KLF12: variants seen among roughly 807,000 people sequenced by gnomAD.
The protein encoded by KLF12 is Krueppel-like factor 12.
KLF12 carries 9 observed loss-of-function variants against 37.8 expected under a neutral mutation model. That is an observed-to-expected ratio of 0.24 (90% CI 0.14 to 0.42). KLF12 has a LOEUF of 0.42. KLF12 is among the 10% of genes least tolerant of loss of function. The pLI, the probability that KLF12 is intolerant of heterozygous loss-of-function variation, is 1.00. For missense variants in KLF12, 411 were observed against 516.0 expected (o/e 0.80, Z 1.97); for synonymous variants, 208 against 202.1 (o/e 1.03, Z -0.25).
At chr13:74,275,897 C>CTT in the KLF12 span, among the ~76,000 whole-genome samples, 2 of 127,554 alleles carry the variant, frequency 1.6e-5, no homozygotes, top group African/African-American at 6.1e-5. Flanking sequence ...TTCTTTCTTT[C>CTT]TTTCTTTCTT....
rs1593963300 is a variant in KLF12 at position 73,694,010 on chromosome 13, C to T, written c.*1480G>A. 6.6e-6 allele frequency: 1 copy of T among 152,618 alleles called. No homozygotes were observed. The highest frequency in any genetic ancestry group is 1.9e-4 in the East Asian group (1 of 5,192). 9.5% of individuals were successfully genotyped at this position (152,618 alleles called of 1,614,324 possible). ...TAACACCTTCCTCTCATCCTCTGCA[C>T]AGGATGAGTGGGTTCAATATCCCTG... On this transcript the variant is annotated 3_prime_UTR_variant, in exon 8 of 8. Coordinates refer to ENST00000377669, the MANE Select transcript of KLF12 (RefSeq NM_007249.5).
At chr13:73,832,801 T>G (rs1199353129) in intron 4 of KLF12, among the ~76,000 whole-genome samples, 1 of 152,140 alleles carries the variant, frequency 6.6e-6, no homozygotes, top group African/African-American at 2.4e-5. Context: ...TAAAGGAAAT[T>G]TATGCTTTTA....
the KLF12 span, among the ~76,000 whole-genome samples, chr13:74,160,263 C>G: frequency 6.6e-6 from 1 of 152,110 alleles, no homozygotes; most frequent in Non-Finnish European, 1.5e-5. Context: ...GTTCTGTGTA[C>G]TGAAATTCTG....
chr13:74,079,403 A>G (rs896612944), intron 1 of KLF12, among the ~76,000 whole-genome samples: 1 of 152,222 alleles, frequency 6.6e-6, no homozygotes, highest in Admixed American at 6.5e-5. Flanking sequence ...ATTTTATGAC[A>G]ATTAAAAATA....
At chr13:73,738,108 T>TATATATGTGTAC (rs1877626519) in intron 6 of KLF12, among the ~76,000 whole-genome samples, 1 of 58,696 alleles carries the variant, frequency 1.7e-5, no homozygotes, top group African/African-American at 1.2e-4. Context: ...TATATATATA[T>TATATATGTGTAC]ATATATATAT....
chr13:73,721,902 T>C (rs1876292466), intron 6 of KLF12, among the ~76,000 whole-genome samples: 1 of 152,118 alleles, frequency 6.6e-6, no homozygotes, highest in Admixed American at 6.6e-5. Context: ...AAGGGAAATG[T>C]TTTTTAAAGG....
chr13:74,086,538 G>A (rs1011229818), intron 1 of KLF12, among the ~76,000 whole-genome samples: 1 of 152,040 alleles, frequency 6.6e-6, no homozygotes. Context: ...TTGGGTTGGA[G>A]GAATCACTAA....
At chr13:74,178,665 T>C in the KLF12 span, among the ~76,000 whole-genome samples, 5 of 152,234 alleles carry the variant, frequency 3.3e-5, no homozygotes, top group Non-Finnish European at 7.3e-5. Flanking sequence ...AACATGTTTC[T>C]TTTCATTTAT....
chr13:73,753,902 CT>C (rs919881943), intron 6 of KLF12, among the ~76,000 whole-genome samples: 24 of 152,102 alleles, frequency 1.6e-4, no homozygotes, highest in African/African-American at 5.3e-4. Context: ...GCGATCCTCC[CT>C]TTCTAAAAGG....
chr13:74,267,287 A>T, the KLF12 span, among the ~76,000 whole-genome samples: 2 of 152,242 alleles, frequency 1.3e-5, no homozygotes, highest in African/African-American at 4.8e-5. Flanking sequence ...TAGCTTCTAA[A>T]TCCATCAAAA....
At chr13:73,977,435 TCAAA>T (rs1238114433) in intron 2 of KLF12, among the ~76,000 whole-genome samples, 2 of 152,228 alleles carry the variant, frequency 1.3e-5, no homozygotes, top group African/African-American at 2.4e-5. Context: ...AAAATTAGTA[TCAAA>T]CAGACTACAC....
the KLF12 span, among the ~76,000 whole-genome samples, chr13:74,238,479 C>T: frequency 1.9e-3 from 261 of 138,244 alleles, 15 homozygotes; most frequent in South Asian, 0.056. Flanking sequence ...AGGATTCCCT[C>T]TTTTTCTATT....
chr13:74,206,392 A>G, the KLF12 span, among the ~76,000 whole-genome samples: 1 of 152,190 alleles, frequency 6.6e-6, no homozygotes, highest in Non-Finnish European at 1.5e-5. Context: ...ATAGTATTCA[A>G]CAACAGACTC....
intron 1 of KLF12, among the ~76,000 whole-genome samples, chr13:74,000,044 T>A (rs1006991490): frequency 3.9e-5 from 6 of 152,160 alleles, no homozygotes; most frequent in African/African-American, 1.4e-4. Context: ...GTTAAACCGG[T>A]ATCATAAGCC....
At chr13:74,165,301 T>G in the KLF12 span, among the ~76,000 whole-genome samples, 1 of 6,002 alleles carries the variant, frequency 1.7e-4, no homozygotes, top group African/African-American at 1.0e-3. Flanking sequence ...TTTCTTTTCT[T>G]TTTTTTTTTT....
intron 2 of KLF12, among the ~76,000 whole-genome samples, chr13:73,984,107 A>T (rs1891757413): frequency 6.6e-6 from 1 of 152,226 alleles, no homozygotes; most frequent in Admixed American, 6.5e-5. Flanking sequence ...TGGGGAGGAC[A>T]GCAAGCAGGT....
At chr13:74,274,234 G>A in the KLF12 span, among the ~76,000 whole-genome samples, 1 of 152,022 alleles carries the variant, frequency 6.6e-6, no homozygotes, top group African/African-American at 2.4e-5. Context: ...TAGCCTTAGT[G>A]AAGATGCAAT....
chr13:74,097,241 C>G (rs768998748), intron 1 of KLF12, among the ~76,000 whole-genome samples: 1 of 152,106 alleles, frequency 6.6e-6, no homozygotes, highest in African/African-American at 2.4e-5. Flanking sequence ...GAGTTCCCAT[C>G]TTAGAGGGGT....
chr13:74,241,115 G>T, the KLF12 span, among the ~76,000 whole-genome samples: 3 of 151,322 alleles, frequency 2.0e-5, no homozygotes. Context: ...TGTACAGATG[G>T]GTTTTTGGTG....
Sources: gnomAD v4.1 joint callset for allele counts (sites outside exome capture counted in the v4.1 genomes callset) on GRCh38, gnomAD v4.1.1 for gene constraint, MANE v1.5 for transcripts, NCBI Gene and HGNC (gene_info 2026-07-23, HGNC 2026-07-21) for gene names.